CNTLN: variants seen among roughly 807,000 people sequenced by gnomAD.
CNTLN encodes the protein centlein.
Under a neutral mutation model 180.0 loss-of-function variants are expected in CNTLN, and 212 were observed. The ratio of observed to expected loss-of-function variants is 1.18; its 90% CI spans 1.05 to 1.32. The LOEUF is 1.32. Among genes scored for constraint, CNTLN ranks in the 40% most tolerant of loss-of-function variants. CNTLN has a pLI of 0.00. For synonymous variants in CNTLN, 722 were observed against 563.1 expected, an observed-to-expected ratio of 1.28 and a Z score of -3.99; for missense variants, 2,095 against 1,610.9, an observed-to-expected ratio of 1.30 and a Z score of -5.14.
intron 12 of CNTLN, among the ~76,000 whole-genome samples, chr9:17,354,584 A>T (rs537606876): frequency 2.1e-4 from 32 of 152,124 alleles, no homozygotes; most frequent in Admixed American, 1.4e-3. Context: ...GGCCTTGGAG[A>T]ACCTGTGTGT....
At chr9:17,291,976 T>C (rs1356254448) in intron 6 of CNTLN, among the ~76,000 whole-genome samples, 1 of 152,210 alleles carries the variant, frequency 6.6e-6, no homozygotes, top group Non-Finnish European at 1.5e-5. Context: ...CTTCAGGAGC[T>C]CTTGCAAGGT....
chr9:17,468,006 A>G (rs926516741), intron 23 of CNTLN, among the ~76,000 whole-genome samples: 1 of 151,738 alleles, frequency 6.6e-6, no homozygotes, highest in African/African-American at 2.4e-5. Context: ...CCCATAAACA[A>G]TAGACTGGAT....
intron 2 of CNTLN, among the ~76,000 whole-genome samples, chr9:17,195,373 G>A (rs1822062805): frequency 6.6e-6 from 1 of 152,160 alleles, no homozygotes; most frequent in Non-Finnish European, 1.5e-5. Context: ...TAGTGGGTCA[G>A]CAGTGTGATC....
At chr9:17,352,389 A>AATATATATATATATATATAT (rs373257904) in intron 12 of CNTLN, among the ~76,000 whole-genome samples, 4 of 84,464 alleles carry the variant, frequency 4.7e-5, no homozygotes, top group African/African-American at 1.7e-4. Flanking sequence ...CTCAAGCTAG[A>AATATATATATATATATATAT]ATATATATAT....
chr9:17,277,987 C>G (rs1009665180), intron 6 of CNTLN, among the ~76,000 whole-genome samples: 2 of 152,154 alleles, frequency 1.3e-5, no homozygotes, highest in Non-Finnish European at 2.9e-5. Context: ...CATTACCACC[C>G]TTAGCCAGAA....
the CNTLN span, among the ~76,000 whole-genome samples, chr9:17,510,768 G>C: frequency 7.2e-5 from 11 of 152,242 alleles, 1 homozygote; most frequent in East Asian, 1.5e-3. Flanking sequence ...TCCCCATGTT[G>C]GTTCTGTTTT....
intron 2 of CNTLN, among the ~76,000 whole-genome samples, chr9:17,189,431 C>CT (rs1035768727): frequency 4.0e-5 from 6 of 150,428 alleles, no homozygotes; most frequent in Non-Finnish European, 7.4e-5. Flanking sequence ...GATAGAGCAG[C>CT]TTTTTTTCTA....
intron 2 of CNTLN, among the ~76,000 whole-genome samples, chr9:17,164,133 G>A (rs992266925): frequency 3.3e-5 from 5 of 151,692 alleles, no homozygotes; most frequent in South Asian, 2.1e-4. Flanking sequence ...CCAACATGGC[G>A]AAAACCCATC....
intron 2 of CNTLN, among the ~76,000 whole-genome samples, chr9:17,158,361 A>G (rs191054270): frequency 1.1e-3 from 163 of 152,104 alleles, no homozygotes; most frequent in Middle Eastern, 3.4e-3. Context: ...TTTTCTTGTA[A>G]TGTCTTTGCT....
At chr9:17,192,423 G>C (rs949402515) in intron 2 of CNTLN, among the ~76,000 whole-genome samples, 6 of 152,010 alleles carry the variant, frequency 3.9e-5, no homozygotes, top group African/African-American at 1.4e-4. Flanking sequence ...ATTTTTAGTA[G>C]AGATGGGGTT....
chr9:17,508,709 C>A (rs1833976778), downstream of CNTLN, among the ~76,000 whole-genome samples: 1 of 152,152 alleles, frequency 6.6e-6, no homozygotes, highest in South Asian at 2.1e-4. Context: ...GCATAATGTC[C>A]TTGAAATCCA....
chr9:17,148,526 AT>A (rs1818613034), intron 2 of CNTLN, among the ~76,000 whole-genome samples: 1 of 152,136 alleles, frequency 6.6e-6, no homozygotes, highest in Non-Finnish European at 1.5e-5. Context: ...TATCTAACCC[AT>A]TGTTTTCTCC....
intron 2 of CNTLN, among the ~76,000 whole-genome samples, chr9:17,212,370 T>C (rs980067513): frequency 2.0e-5 from 3 of 152,224 alleles, no homozygotes; most frequent in African/African-American, 7.2e-5. Flanking sequence ...TTGATTTGCA[T>C]ATGTTGAACC....
At chr9:17,466,414 T>G (rs2134211265) in intron 22 of CNTLN, among the ~76,000 whole-genome samples, 2 of 151,586 alleles carry the variant, frequency 1.3e-5, no homozygotes, top group South Asian at 4.1e-4. Flanking sequence ...CACTTAAACT[T>G]TCAAACTAAA....
At chr9:17,260,852 A>G (rs112225827) in intron 5 of CNTLN, among the ~76,000 whole-genome samples, 3,836 of 151,142 alleles carry the variant, frequency 0.025, 271 homozygotes, top group East Asian at 0.25. Flanking sequence ...CATCTTGAGT[A>G]TGGTGTAAGG....
At chr9:17,269,077 A>T (rs1827740101) in intron 5 of CNTLN, among the ~76,000 whole-genome samples, 1 of 152,070 alleles carries the variant, frequency 6.6e-6, no homozygotes, top group South Asian at 2.1e-4. Context: ...CCCTAGTGAG[A>T]TGAACCCGGT....
At chr9:17,370,327 A>G (rs1824207601) in intron 13 of CNTLN, among the ~76,000 whole-genome samples, 1 of 152,214 alleles carries the variant, frequency 6.6e-6, no homozygotes, top group Non-Finnish European at 1.5e-5. Context: ...AACAAATAAC[A>G]TACAATGGAG....
intron 5 of CNTLN, among the ~76,000 whole-genome samples, chr9:17,261,312 A>G (rs1481877836): frequency 1.3e-5 from 2 of 151,474 alleles, no homozygotes; most frequent in Admixed American, 1.3e-4. Flanking sequence ...TGAGCATGGC[A>G]TATTTTTCAA....
At chr9:17,295,169 C>T (rs866107304) in intron 6 of CNTLN, among the ~76,000 whole-genome samples, 6 of 151,978 alleles carry the variant, frequency 3.9e-5, no homozygotes, top group Non-Finnish European at 7.4e-5. Flanking sequence ...CTAGCTGGCC[C>T]GCAGGCGCTG....
Sources: allele counts gnomAD v4.1 joint callset (sites outside exome capture counted in the v4.1 genomes callset), GRCh38; gene constraint gnomAD v4.1.1; transcripts MANE v1.5; gene names NCBI Gene and HGNC (gene_info 2026-07-23, HGNC 2026-07-21).